The following PATJ variants were observed in gnomAD, a reference collection of about 807,000 sequenced individuals.
PATJ encodes PATJ crumbs cell polarity complex component.
A neutral mutation model predicts 224.9 loss-of-function variants in PATJ; 190 were observed. The ratio of observed to expected loss-of-function variants is 0.84; its 90% CI spans 0.75 to 0.95. The LOEUF (loss-of-function observed/expected upper bound fraction) is 0.95, where lower values mean the gene tolerates loss of function less well. PATJ is among the 40% of genes least tolerant of loss of function. The pLI is 0.00. For synonymous variants in PATJ, 769 were observed against 820.3 expected (o/e 0.94, Z 1.07); for missense variants, 2,121 against 2,270.3 (o/e 0.93, Z 1.34).
chr1:61,827,258 G>C (rs534461927), intron 15 of PATJ, among the ~76,000 whole-genome samples, 164 bp from the exon 16 acceptor site: 12 of 152,152 alleles, frequency 7.9e-5, no homozygotes, highest in Non-Finnish European at 1.6e-4. Flanking sequence ...ATTTTTATTT[G>C]CATATTATTT....
chr1:61,827,298 C>T (rs1658445441), intron 15 of PATJ, 124 bp from the exon 16 acceptor site: 2 of 726,754 alleles, frequency 2.8e-6, no homozygotes, highest in East Asian at 2.7e-5. Flanking sequence ...AAAGCGAGGC[C>T]CCTTGTTTAC....
At chr1:61,966,626 C>T (rs35506226) in intron 27 of PATJ, among the ~76,000 whole-genome samples, 63,887 of 147,972 alleles carry the variant, frequency 0.43, 14,636 homozygotes, top group East Asian at 0.81. Flanking sequence ...GCAGAGGTTG[C>T]AGTGAGTCGA....
chr1:61,905,243 C>T (rs888391697), intron 24 of PATJ, among the ~76,000 whole-genome samples: 1 of 152,216 alleles, frequency 6.6e-6, no homozygotes. Flanking sequence ...AGAGATGGTG[C>T]CTTCTCTCTG....
Position 62,066,405 on chromosome 1 carries a change from A to G in PATJ, c.4126-13045A>G, listed in dbSNP as rs544623924. Among the ~76,000 whole-genome samples, 22 of 150,262 alleles carry G rather than the reference A, an allele frequency of 1.5e-4. No homozygotes were observed. In the East Asian group the frequency reaches 3.9e-3, roughly 27 times the overall value. Reference sequence around the variant, plus strand: ...GTGGGAACTTTTTTTTTTTTTTGAGACAGGGTCACACTCTGTCGCCCAGGT... The same window carrying G: ...GTGGGAACTTTTTTTTTTTTTTGAGGCAGGGTCACACTCTGTCGCCCAGGT... On this transcript the variant is annotated intron_variant, in intron 31 of 43. Coordinates refer to ENST00000642238, the MANE Select transcript of PATJ (RefSeq NM_001350145.3).
intron 31 of PATJ, among the ~76,000 whole-genome samples, chr1:62,067,075 GC>G (rs913980903): frequency 2.0e-5 from 3 of 151,004 alleles, no homozygotes; most frequent in African/African-American, 4.9e-5. Flanking sequence ...TAGAAATTAT[GC>G]CTCTCTTAGC....
chr1:61,938,595 A>G (rs1475409092), intron 27 of PATJ, among the ~76,000 whole-genome samples: 1 of 152,188 alleles, frequency 6.6e-6, no homozygotes, highest in Non-Finnish European at 1.5e-5. Context: ...CACACCTGTA[A>G]TTCTAGCACT....
At chr1:61,803,928 C>T (rs1307908665) in intron 12 of PATJ, among the ~76,000 whole-genome samples, 3 of 152,098 alleles carry the variant, frequency 2.0e-5, no homozygotes, top group African/African-American at 4.8e-5. Flanking sequence ...TCTCTTTTCT[C>T]CAGCACTTAG....
chr1:61,846,501 T>G (rs1661979276), intron 17 of PATJ, among the ~76,000 whole-genome samples: 1 of 152,226 alleles, frequency 6.6e-6, no homozygotes. Flanking sequence ...TCTACATTTA[T>G]AAAAATTGTA....
intron 27 of PATJ, among the ~76,000 whole-genome samples, chr1:61,972,192 G>A (rs1051296041): frequency 6.6e-6 from 1 of 151,784 alleles, no homozygotes; most frequent in Non-Finnish European, 1.5e-5. Context: ...TATACCCAGA[G>A]CCTGAGCATA....
chr1:61,875,110 A>G, intron 20 of PATJ, 133 bp from the exon 21 acceptor site: 4 of 561,312 alleles, frequency 7.1e-6, no homozygotes, highest in Non-Finnish European at 1.3e-5. Context: ...TTACCACAGT[A>G]TAAACCATTA....
At chr1:61,868,856 C>T (rs889905604) in intron 20 of PATJ, among the ~76,000 whole-genome samples, 7 of 152,042 alleles carry the variant, frequency 4.6e-5, no homozygotes, top group African/African-American at 1.7e-4. Context: ...TCTCCTCTAC[C>T]CTCTATTTTG....
intron 41 of PATJ, among the ~76,000 whole-genome samples, chr1:62,133,138 G>T (rs1309901082): frequency 6.9e-6 from 1 of 145,852 alleles, no homozygotes; most frequent in Admixed American, 6.7e-5. Context: ...TTCAAAATAG[G>T]CATATAAGAA....
At chr1:62,099,295 G>GT (rs896364608) in intron 33 of PATJ, among the ~76,000 whole-genome samples, 36 of 130,092 alleles carry the variant, frequency 2.8e-4, no homozygotes, top group African/African-American at 1.0e-3. Context: ...CCAAACCATA[G>GT]TTTTTTTCAA....
At chr1:61,935,530 T>G (rs1676715939) in intron 27 of PATJ, among the ~76,000 whole-genome samples, 1 of 152,188 alleles carries the variant, frequency 6.6e-6, no homozygotes, top group Admixed American at 6.5e-5. Flanking sequence ...TAGTGGCTCA[T>G]TCCTCTAATC....
intron 32 of PATJ, among the ~76,000 whole-genome samples, chr1:62,079,858 C>T (rs568541996): frequency 6.6e-6 from 1 of 152,172 alleles, no homozygotes; most frequent in South Asian, 2.1e-4. Flanking sequence ...GAAACCCTGT[C>T]TCTACTAAAA....
intron 27 of PATJ, among the ~76,000 whole-genome samples, chr1:61,958,596 A>T (rs1207645468): frequency 1.3e-5 from 2 of 152,042 alleles, no homozygotes; most frequent in Admixed American, 6.6e-5. Flanking sequence ...TATTTGGCAA[A>T]TTTTTTTATC....
At chr1:62,050,847 A>G (rs1653470526) in intron 30 of PATJ, 119 bp from the exon 31 acceptor site, 2 of 735,474 alleles carry the variant, frequency 2.7e-6, no homozygotes, top group African/African-American at 1.8e-5. Context: ...ATACTTCCTC[A>G]GAGGAAACAA....
Position 61,802,256 on chromosome 1 carries a change from G to A in PATJ, c.1549+487G>A, listed in dbSNP as rs955983505. On this transcript the variant is annotated intron_variant, in intron 12 of 43. Coordinates refer to ENST00000642238, the MANE Select transcript of PATJ (RefSeq NM_001350145.3). Reference sequence around the variant, plus strand: ...TTACAGGTGCATGCCACCACACTGGGCTAATTTTTGTATTTTTAGTAGAGA... The same window carrying A: ...TTACAGGTGCATGCCACCACACTGGACTAATTTTTGTATTTTTAGTAGAGA... Among the ~76,000 whole-genome samples the A allele has an allele frequency of 3.3e-5, 5 of 152,094 alleles. No individual in the cohort carries two copies. The East Asian group carries it at 9.6e-4, about 29-fold the overall frequency.
intron 20 of PATJ, among the ~76,000 whole-genome samples, chr1:61,871,122 C>T (rs1220384959): frequency 2.8e-4 from 19 of 68,284 alleles, no homozygotes; most frequent in East Asian, 4.6e-4. Flanking sequence ...AAGAATAATT[C>T]TATGTTCTTA....
Sources: allele counts gnomAD v4.1 joint callset (sites outside exome capture counted in the v4.1 genomes callset), GRCh38; gene constraint gnomAD v4.1.1; transcripts MANE v1.5; gene names NCBI Gene and HGNC (gene_info 2026-07-23, HGNC 2026-07-21).